Variants in PPP5C observed in about 807,000 individuals in gnomAD.
PPP5C encodes the protein serine/threonine-protein phosphatase 5.
PPP5C carries 21 observed loss-of-function variants against 66.7 expected under a neutral mutation model. The ratio of observed to expected loss-of-function variants is 0.31; its 90% confidence interval spans 0.22 to 0.45. The LOEUF is 0.45. Ranked by LOEUF, PPP5C falls within the 20% of genes least tolerant of loss-of-function variation. The pLI is 1.00. For synonymous variants in PPP5C, 246 were observed against 257.4 expected (o/e 0.96, Z 0.43); for missense variants, 464 against 675.9 (o/e 0.69, Z 3.48).
intron 1 of PPP5C, among the ~76,000 whole-genome samples, chr19:46,349,639 G>A (rs946184064): frequency 3.3e-5 from 5 of 152,116 alleles, no homozygotes; most frequent in African/African-American, 1.2e-4. Flanking sequence ...TTCAAGAGCG[G>A]GGTGCTGTGG....
At chr19:46,350,985 A>G (rs757642492) in intron 1 of PPP5C, among the ~76,000 whole-genome samples, 3 of 152,156 alleles carry the variant, frequency 2.0e-5, no homozygotes, top group Admixed American at 6.5e-5. Flanking sequence ...TCCTGGGGGC[A>G]GAGCCTCGTC....
At chr19:46,369,574 G>C (rs1972548731) in intron 2 of PPP5C, among the ~76,000 whole-genome samples, 1 of 149,804 alleles carries the variant, frequency 6.7e-6, no homozygotes, top group African/African-American at 2.5e-5. Flanking sequence ...AGAGCTTGCA[G>C]TGAGCGGACA....
At chr19:46,369,925 G>GAAAA (rs138135566) in intron 2 of PPP5C, among the ~76,000 whole-genome samples, 5 of 136,082 alleles carry the variant, frequency 3.7e-5, no homozygotes, top group Admixed American at 3.0e-4. Flanking sequence ...GACTCCGTCT[G>GAAAA]GAAAAAAAAA....
intron 2 of PPP5C, among the ~76,000 whole-genome samples, chr19:46,361,428 T>C (rs74174221): frequency 0.54 from 78,112 of 144,864 alleles, 21,133 homozygotes; most frequent in South Asian, 0.73. Context: ...TGCGCCTGGC[T>C]GAAAAATCTT....
At chr19:46,358,697 G>C (rs186703578) in intron 2 of PPP5C, among the ~76,000 whole-genome samples, 2 of 152,258 alleles carry the variant, frequency 1.3e-5, no homozygotes, top group East Asian at 1.9e-4. Flanking sequence ...AAGCTCAAGC[G>C]TTTAAAGACA....
At chr19:46,375,526 C>A in intron 2 of PPP5C, 78 bp from the exon 3 acceptor site, 1 of 1,567,726 alleles carries the variant, frequency 6.4e-7, no homozygotes, top group South Asian at 1.2e-5. Context: ...TTCATGGAAC[C>A]CAGGGCTGGG....
chr19:46,347,139 C>T lies in PPP5C; in HGVS notation c.43C>T (p.Pro15Ser), dbSNP rs755378932. The part of the protein sequence containing the change: ...EGERTECAEP[P>S]RDEPPADGAL... ...CGAGAGGACTGAGTGTGCTGAGCCCCCCCGGGACGAACCCCCGGCTGATGG... is the reference window on the plus strand; with the variant it reads ...CGAGAGGACTGAGTGTGCTGAGCCCTCCCGGGACGAACCCCCGGCTGATGG... Residue 15 changes from proline to serine, a missense_variant, in exon 1 of 13, where the codon CCC (proline) becomes TCC (serine). Transcript: ENST00000012443. 6.2e-7 allele frequency: 1 copy of T among 1,605,322 alleles called. No individual in the cohort carries two copies. Among genetic ancestry groups the T allele is most frequent in the Non-Finnish European group, 8.5e-7 (1 of 1,176,236 alleles).
At chr19:46,378,727 C>T (rs1399473063) in intron 4 of PPP5C, among the ~76,000 whole-genome samples, 1 of 152,168 alleles carries the variant, frequency 6.6e-6, no homozygotes, top group Non-Finnish European at 1.5e-5. Flanking sequence ...TCCCTGTTTT[C>T]TATTAAAATA....
chr19:46,375,115 C>G (rs1036970273), intron 2 of PPP5C, among the ~76,000 whole-genome samples: 3 of 152,208 alleles, frequency 2.0e-5, no homozygotes, highest in African/African-American at 7.2e-5. Flanking sequence ...CCTGTGTCAC[C>G]TCCCTGTTAG....
At chr19:46,382,730 T>G (rs1056662780) in intron 4 of PPP5C, 8 of 927,892 alleles carry the variant, frequency 8.6e-6, no homozygotes, top group Non-Finnish European at 1.0e-5. Flanking sequence ...CGTCCTCTTG[T>G]GTGACCACAG....
Position 46,383,281 on chromosome 19 carries a change from C to T in PPP5C, c.634-130C>T. 1 of 1,549,314 alleles carries T rather than the reference C, an allele frequency of 6.5e-7. No homozygotes were observed. Among genetic ancestry groups the T allele is most frequent in the East Asian group, 2.4e-5 (1 of 40,878 alleles). On this transcript the variant is annotated intron_variant, in intron 4 of 12. Coordinates refer to ENST00000012443, the MANE Select transcript of PPP5C (RefSeq NM_006247.4). The surrounding 1 kb of genome is among the most constrained non-coding windows in gnomAD (Gnocchi z 5.0). ...TCCCGCTCCCCCAGGCCTGCCCTGC[C>T]CTTTTTCTTCTCTCCCTGCTTCTCC...
At chr19:46,389,362 AACACACACACACACAC>A (rs57181889) in intron 11 of PPP5C, among the ~76,000 whole-genome samples, 295 of 97,930 alleles carry the variant, frequency 3.0e-3, no homozygotes, top group East Asian at 5.1e-3. Context: ...TCCATCTCAA[AACACACACACACACAC>A]ACACACACAC....
intron 2 of PPP5C, among the ~76,000 whole-genome samples, chr19:46,373,538 C>T (rs1461419808): frequency 6.6e-6 from 1 of 152,230 alleles, no homozygotes; most frequent in Admixed American, 6.5e-5. Context: ...CCTTTCTCCT[C>T]CCTGCGCTGT....
At chr19:46,386,977 G>A (rs1330934885) in intron 7 of PPP5C, 116 bp from the exon 8 acceptor site, 4 of 1,453,538 alleles carry the variant, frequency 2.8e-6, no homozygotes, top group African/African-American at 1.4e-5. Context: ...AGTGGCAAGT[G>A]CGAGGCCCAT....
chr19:46,389,972 TGCCCAGCCATTCCTTCTCTTAACCCACCA>T, intron 11 of PPP5C, 50 bp from the exon 12 acceptor site: 1 of 1,320,168 alleles, frequency 7.6e-7, no homozygotes, highest in Non-Finnish European at 1.1e-6. Flanking sequence ...TGTCCCTTCT[TGCCCAGCCATTCCTTCTCTTAACCCACCA>T]GCCCCACCCA....
Position 46,375,731 on chromosome 19 carries a change from C to T in PPP5C, c.491C>T (p.Ser164Leu), listed in dbSNP as rs1261779030. Residue 164 changes from serine (S) to leucine (L), a missense_variant, in exon 3 of 13, where the codon TCG becomes TTG. Ser to Leu is a moderately radical substitution (Grantham distance 145). Transcript: ENST00000012443. Reference protein sequence around the residue: ...GDEHKRSVVDSLDIESMTIED... With the variant: ...GDEHKRSVVDLLDIESMTIED... ...GAGCACAAGCGCTCCGTGGTGGACTCGCTGGACATCGAGAGCATGAGTGAG... is the reference window on the plus strand; with the variant it reads ...GAGCACAAGCGCTCCGTGGTGGACTTGCTGGACATCGAGAGCATGAGTGAG... 9 of 1,604,654 alleles carry T rather than the reference C, an allele frequency of 5.6e-6. No homozygotes were observed. The highest frequency in any genetic ancestry group is 6.0e-6 in the Non-Finnish European group (7 of 1,175,548).
intron 1 of PPP5C, among the ~76,000 whole-genome samples, chr19:46,352,032 A>G (rs1972195387): frequency 6.6e-6 from 1 of 152,204 alleles, no homozygotes; most frequent in African/African-American, 2.4e-5. Flanking sequence ...GTCAGTCCTC[A>G]TCTCTCTCTG....
Position 46,361,589 on chromosome 19 carries a change from TAA to T in PPP5C, c.363+7625_363+7626del, listed in dbSNP as rs935838226. Among the ~76,000 whole-genome samples the T allele has an allele frequency of 4.6e-3, 394 of 85,264 alleles. 2 individuals are homozygous for T. The highest frequency in any genetic ancestry group is 0.014 in the African/African-American group (309 of 21,392). The allele number at this position is 85,264 out of a possible 152,430, so 55.9% of individuals were successfully genotyped here. ...GTGAAACCCTGTCTCTACTAAAAAT[TAA>T]AAAAAAAAAAAAAAAAAAAAAAAAT... On this transcript the variant is annotated intron_variant, in intron 2 of 12. Transcript: ENST00000012443.
chr19:46,386,514 A>G (rs1367397447), intron 7 of PPP5C, among the ~76,000 whole-genome samples: 1 of 151,946 alleles, frequency 6.6e-6, no homozygotes, highest in Non-Finnish European at 1.5e-5. Flanking sequence ...CCTTGCCCCC[A>G]AGCTCTGGAA....
Sources: allele counts gnomAD v4.1 joint callset (sites outside exome capture counted in the v4.1 genomes callset), GRCh38; gene constraint gnomAD v4.1.1; non-coding constraint Gnocchi (gnomAD v3.1); transcripts MANE v1.5; gene names NCBI Gene and HGNC (gene_info 2026-07-23, HGNC 2026-07-21).